MINPP1: variants seen among roughly 807,000 people sequenced by gnomAD.
The protein encoded by MINPP1 is multiple inositol polyphosphate phosphatase 1.
In MINPP1, 28 loss-of-function variants were observed where a neutral mutation model predicts 46.1. The observed-to-expected ratio is 0.61, with a 90% CI of 0.45 to 0.83. MINPP1 has a LOEUF of 0.83. MINPP1 is among the 40% of genes least tolerant of loss of function. The probability of loss-of-function intolerance (pLI) is 0.00; values close to 1 mark genes in which losing one functional copy is unlikely to be tolerated. For synonymous variants in MINPP1, 268 were observed against 249.1 expected (o/e 1.08, Z -0.72); for missense variants, 603 against 610.0 (o/e 0.99, Z 0.12).
rs1403909803 is a variant in MINPP1, at chr10:87,552,986, A to G, written c.*508A>G. 3 of 152,524 alleles carry G rather than the reference A, an allele frequency of 2.0e-5. No individual in the cohort carries two copies. The highest frequency in any genetic ancestry group is 4.8e-5 in the African/African-American group (2 of 41,460). The allele number at this position is 152,524 out of a possible 1,614,324, so 9.4% of individuals were successfully genotyped here. ...CTCTGGAAGAAAGTAACATCTCCAG[A>G]TGAGAATTTGAAACAAGAAACAGAG... On this transcript the variant is annotated 3_prime_UTR_variant, in exon 5 of 5. Coordinates refer to ENST00000371996, the MANE Select transcript of MINPP1 (RefSeq NM_004897.5).
chr10:87,532,538 CGAT>C (rs1255157404), intron 4 of MINPP1, among the ~76,000 whole-genome samples: 2 of 152,156 alleles, frequency 1.3e-5, no homozygotes, highest in African/African-American at 2.4e-5. Context: ...CAGCAGTGAG[CGAT>C]GATGAAGAAA....
chr10:87,513,258 A>G (rs371280471), intron 3 of MINPP1, 37 bp downstream of exon 3: 1 of 1,561,038 alleles, frequency 6.4e-7, no homozygotes, highest in Non-Finnish European at 8.8e-7. Context: ...GCTTTTTTAA[A>G]AAAATTTTTT....
chr10:87,521,415 T>C lies in MINPP1; in HGVS notation c.1067+246T>C, dbSNP rs148298833. 9.7e-3 allele frequency among the ~76,000 whole-genome samples: 1,481 copies of C among 152,328 alleles called. 24 individuals carry two copies. Among genetic ancestry groups the C allele is most frequent in the African/African-American group, 0.034 (1,396 of 41,572 alleles). On this transcript the variant is annotated intron_variant, in intron 4 of 4. Transcript: ENST00000371996. ...TGTTTACTTATGTGTTCCTCAACTA[T>C]TCCATTTTCCTGCCTCCTCTTGCCC...
intron 3 of MINPP1, among the ~76,000 whole-genome samples, chr10:87,519,501 A>T (rs999631493): frequency 1.3e-5 from 2 of 152,124 alleles, no homozygotes; most frequent in African/African-American, 2.4e-5. Context: ...CCGTTTATTC[A>T]TCCTTTTTCC....
At chr10:87,519,076 T>C (rs796400177) in intron 3 of MINPP1, among the ~76,000 whole-genome samples, 3 of 152,306 alleles carry the variant, frequency 2.0e-5, no homozygotes, top group African/African-American at 7.2e-5. Flanking sequence ...AGAGAGATTC[T>C]GTTTCCTGAG....
At chr10:87,508,970 G>A (rs1388575156) in intron 2 of MINPP1, among the ~76,000 whole-genome samples, 1 of 152,182 alleles carries the variant, frequency 6.6e-6, no homozygotes, top group Non-Finnish European at 1.5e-5. Context: ...AAAGTACTAT[G>A]ATGTTTTTTG....
At position 87,505,668 on chromosome 10, in the gene MINPP1, C is replaced by T; in HGVS notation, c.637+116C>T. The stretch of plus-strand genomic sequence containing the variant: ...GCCCCCCAGTTCTCTTTCCTCTTTT[C>T]CCAAGCCATCATCCCTCGGGCTACG... On this transcript the variant is annotated intron_variant, in intron 1 of 4. Coordinates refer to ENST00000371996, the MANE Select transcript of MINPP1 (RefSeq NM_004897.5). The surrounding 1 kb of genome is among the most constrained non-coding windows in gnomAD (Gnocchi z 4.4). 1.0e-6 allele frequency: 1 copy of T among 962,886 alleles called. No individual in the cohort carries two copies. Among genetic ancestry groups the T allele is most frequent in the Non-Finnish European group, 1.5e-6 (1 of 655,264 alleles). 59.6% of individuals were successfully genotyped at this position (962,886 alleles called of 1,614,324 possible).
At chr10:87,521,960 C>G (rs372311529) in intron 4 of MINPP1, among the ~76,000 whole-genome samples, 2 of 152,212 alleles carry the variant, frequency 1.3e-5, no homozygotes, top group East Asian at 3.8e-4. Context: ...GTTGGGATTA[C>G]AGGCATGAGC....
At chr10:87,506,511 G>A (rs572552919) in intron 1 of MINPP1, among the ~76,000 whole-genome samples, 1 of 152,270 alleles carries the variant, frequency 6.6e-6, no homozygotes, top group South Asian at 2.1e-4. Flanking sequence ...CAAAGATGAG[G>A]AAATTGATAC....
intron 1 of MINPP1, among the ~76,000 whole-genome samples, chr10:87,506,338 G>A (rs1439110965): frequency 6.6e-6 from 1 of 151,988 alleles, no homozygotes; most frequent in Non-Finnish European, 1.5e-5. Context: ...CAAGTCTTCT[G>A]TTTTCCTAGA....
chr10:87,548,284 T>A (rs1185602158), intron 4 of MINPP1, among the ~76,000 whole-genome samples: 1 of 152,178 alleles, frequency 6.6e-6, no homozygotes, highest in Non-Finnish European at 1.5e-5. Context: ...CCAGAAATGT[T>A]TCATTTGTGT....
chr10:87,517,419 C>T (rs771504126), intron 3 of MINPP1, among the ~76,000 whole-genome samples: 4 of 151,398 alleles, frequency 2.6e-5, no homozygotes, highest in Non-Finnish European at 4.4e-5. Flanking sequence ...TTCTTGGGGG[C>T]GATTAAGTCA....
chr10:87,517,477 G>A (rs546463523), intron 3 of MINPP1, among the ~76,000 whole-genome samples: 11 of 152,132 alleles, frequency 7.2e-5, no homozygotes, highest in South Asian at 2.1e-4. Context: ...TATATTTGTC[G>A]AAAGTCATCA....
At chr10:87,549,157 A>G (rs554818799) in intron 4 of MINPP1, among the ~76,000 whole-genome samples, 57 of 152,300 alleles carry the variant, frequency 3.7e-4, no homozygotes, top group African/African-American at 1.3e-3. Context: ...CAGTAAAAAA[A>G]GGGGGGAAGG....
intron 3 of MINPP1, among the ~76,000 whole-genome samples, chr10:87,518,013 A>G (rs1373471191): frequency 7.3e-6 from 1 of 136,480 alleles, no homozygotes; most frequent in Non-Finnish European, 1.5e-5. Context: ...AGGCTGGAGT[A>G]CAGAGGCGTG....
chr10:87,545,505 T>A (rs1851874505), intron 4 of MINPP1, among the ~76,000 whole-genome samples: 1 of 152,190 alleles, frequency 6.6e-6, no homozygotes, highest in Admixed American at 6.5e-5. Context: ...ATATGCAGCA[T>A]CATAAAATTA....
chr10:87,505,932 A>G lies in MINPP1; in HGVS notation c.637+380A>G, dbSNP rs935470531. ...ATCCCTTCCCCCTTCCCTGGCGTCT[A>G]GTTTCACAATTGGGCGCACGTTTTA... On this transcript the variant is annotated intron_variant, in intron 1 of 4. Coordinates refer to ENST00000371996, the MANE Select transcript of MINPP1 (RefSeq NM_004897.5). The surrounding 1 kb of genome is among the most constrained non-coding windows in gnomAD (Gnocchi z 4.4). Among the ~76,000 whole-genome samples the G allele has an allele frequency of 4.0e-5, 6 of 151,834 alleles. No individual in the cohort carries two copies. Among genetic ancestry groups the G allele is most frequent in the South Asian group, 2.1e-4 (1 of 4,818 alleles).
chr10:87,541,102 A>G (rs115403850), intron 4 of MINPP1, among the ~76,000 whole-genome samples: 1,718 of 152,318 alleles, frequency 0.011, 35 homozygotes, highest in African/African-American at 0.039. Flanking sequence ...TTGTTTTTCC[A>G]TTTGACACTA....
intron 3 of MINPP1, among the ~76,000 whole-genome samples, chr10:87,520,572 A>G (rs538737992): frequency 1.3e-5 from 2 of 152,274 alleles, no homozygotes; most frequent in East Asian, 3.9e-4. Context: ...CAAAATTCTT[A>G]TACATTTCTC....
Sources: allele counts gnomAD v4.1 joint callset (sites outside exome capture counted in the v4.1 genomes callset), GRCh38; gene constraint gnomAD v4.1.1; non-coding constraint Gnocchi (gnomAD v3.1); transcripts MANE v1.5; gene names NCBI Gene and HGNC (gene_info 2026-07-23, HGNC 2026-07-21).